The following WDFY3 variants were observed in gnomAD, a reference collection of about 807,000 sequenced individuals.
WDFY3 encodes the protein WD repeat and FYVE domain-containing protein 3.
WDFY3 carries 66 observed loss-of-function variants against 409.6 expected under a neutral mutation model. The ratio of observed to expected loss-of-function variants is 0.16; its 90% CI spans 0.13 to 0.20. WDFY3 has a LOEUF of 0.20. Ranked by LOEUF, WDFY3 falls within the 10% of genes least tolerant of loss-of-function variation. The pLI is 1.00. For synonymous variants in WDFY3, 1,521 were observed against 1,537.1 expected (o/e 0.99, Z 0.25); for missense variants, 3,031 against 4,298.1 (o/e 0.71, Z 8.24).
chr4:84,932,232 G>A lies in WDFY3; in HGVS notation c.-132+38C>T, dbSNP rs1469384223. The A allele has an allele frequency of 2.0e-5, 3 of 152,012 alleles. No homozygotes were observed. In the East Asian group the frequency reaches 5.8e-4, roughly 29 times the overall value. 9.4% of individuals were successfully genotyped at this position (152,012 alleles called of 1,614,324 possible). ...CAAAGACAATCACAATTCTGTTCCT[G>A]GCTCCTTTTTCAACAAAAAAAAAAT... On this transcript the variant is annotated intron_variant, in intron 2 of 67. Transcript: ENST00000295888.
chr4:84,773,124 T>C (rs540662442), intron 29 of WDFY3, among the ~76,000 whole-genome samples, 195 bp from the exon 30 acceptor site: 2 of 152,194 alleles, frequency 1.3e-5, no homozygotes, highest in East Asian at 3.9e-4. Flanking sequence ...AGTTTCCTTG[T>C]TGCCCACTCA....
intron 2 of WDFY3, among the ~76,000 whole-genome samples, chr4:84,902,600 C>T (rs1423888733): frequency 6.6e-6 from 1 of 152,120 alleles, no homozygotes; most frequent in Non-Finnish European, 1.5e-5. Context: ...TTTAGAAGGG[C>T]AAAATAGAAT....
chr4:84,828,338 G>T (rs1247020983), intron 9 of WDFY3, among the ~76,000 whole-genome samples: 2 of 152,026 alleles, frequency 1.3e-5, no homozygotes, highest in African/African-American at 4.8e-5. Flanking sequence ...ATACACAGTT[G>T]TAAGGTTTTA....
chr4:84,934,715 A>G (rs1034067673), intron 1 of WDFY3, among the ~76,000 whole-genome samples: 12 of 152,166 alleles, frequency 7.9e-5, no homozygotes, highest in Admixed American at 2.0e-4. Flanking sequence ...AAATAATAGA[A>G]TGAACATCCA....
chr4:84,702,556 C>A, intron 55 of WDFY3, 50 bp from the exon 56 acceptor site: 2 of 1,458,744 alleles, frequency 1.4e-6, no homozygotes. Flanking sequence ...TCCCACCTGA[C>A]AGCTTCTGTC....
rs539110645 is a variant in WDFY3, at chr4:84,894,644, G to A, written c.-32+2267C>T. ...TCTACTAAAAATACAAAAATTAGCC[G>A]GGCATGGGGCACACGCCTGTATTCC... On this transcript the variant is annotated intron_variant, in intron 3 of 67. Coordinates refer to ENST00000295888, the MANE Select transcript of WDFY3 (RefSeq NM_014991.6). Among the ~76,000 whole-genome samples, 184 of 152,164 alleles carry A rather than the reference G, an allele frequency of 1.2e-3. 1 individual carries two copies. The highest frequency in any genetic ancestry group is 6.8e-3 in the Middle Eastern group (2 of 294).
intron 1 of WDFY3, among the ~76,000 whole-genome samples, chr4:84,932,760 C>T (rs1459785748): frequency 1.3e-5 from 2 of 152,134 alleles, no homozygotes; most frequent in Non-Finnish European, 2.9e-5. Flanking sequence ...AAAATTCATG[C>T]TATTTCTCTA....
intron 30 of WDFY3, among the ~76,000 whole-genome samples, chr4:84,772,272 T>C (rs768724956): frequency 5.9e-5 from 9 of 152,038 alleles, no homozygotes; most frequent in Non-Finnish European, 1.2e-4. Flanking sequence ...AAGAAAAACA[T>C]ATGGGAACAG....
intron 36 of WDFY3, among the ~76,000 whole-genome samples, chr4:84,749,476 T>C (rs552062962): frequency 3.5e-4 from 53 of 152,334 alleles, no homozygotes; most frequent in African/African-American, 1.3e-3. Flanking sequence ...TAAGCCTTAC[T>C]TAATGTCATT....
intron 7 of WDFY3, among the ~76,000 whole-genome samples, chr4:84,836,368 AT>A (rs1348387495): frequency 6.6e-6 from 1 of 152,168 alleles, no homozygotes; most frequent in African/African-American, 2.4e-5. Context: ...AAGAAAGGAT[AT>A]CATACATGAT....
intron 10 of WDFY3, among the ~76,000 whole-genome samples, chr4:84,823,901 C>A (rs902008703): frequency 6.6e-6 from 1 of 152,164 alleles, no homozygotes; most frequent in South Asian, 2.1e-4. Context: ...ACCATATGAT[C>A]TAGCACTTTA....
At chr4:84,918,249 T>G (rs1029529066) in intron 2 of WDFY3, among the ~76,000 whole-genome samples, 1 of 152,146 alleles carries the variant, frequency 6.6e-6, no homozygotes, top group African/African-American at 2.4e-5. Context: ...AGACACAAGG[T>G]TATTAATTGC....
intron 29 of WDFY3, among the ~76,000 whole-genome samples, chr4:84,774,475 GCT>G (rs1347093213): frequency 6.6e-6 from 1 of 152,224 alleles, no homozygotes; most frequent in Non-Finnish European, 1.5e-5. Flanking sequence ...GTGTATGCGT[GCT>G]TGTGCACATA....
intron 2 of WDFY3, among the ~76,000 whole-genome samples, chr4:84,918,850 C>CATAT (rs529751700): frequency 1.3e-5 from 2 of 149,580 alleles, no homozygotes; most frequent in African/African-American, 4.9e-5. Flanking sequence ...CACACACACA[C>CATAT]ATATATATAT....
intron 32 of WDFY3, among the ~76,000 whole-genome samples, chr4:84,760,765 TTCATTAA>T (rs1220909163): frequency 1.2e-4 from 17 of 146,470 alleles, no homozygotes; most frequent in African/African-American, 4.3e-4. Context: ...AGCTCCTGGA[TTCATTAA>T]TTTTTTGAAG....
intron 1 of WDFY3, among the ~76,000 whole-genome samples, chr4:84,953,428 G>A (rs746486009): frequency 6.6e-5 from 10 of 152,078 alleles, no homozygotes; most frequent in Non-Finnish European, 1.0e-4. Context: ...AGCTGCTTTT[G>A]ACACAGGGGA....
chr4:84,921,528 A>ATCAATATCTGACATTT (rs1769271464), intron 2 of WDFY3, among the ~76,000 whole-genome samples: 2 of 151,752 alleles, frequency 1.3e-5, no homozygotes. Context: ...AAGTATTTTT[A>ATCAATATCTGACATTT]TATGTCTTTA....
At chr4:84,926,775 A>G (rs570474799) in intron 2 of WDFY3, among the ~76,000 whole-genome samples, 1 of 152,358 alleles carries the variant, frequency 6.6e-6, no homozygotes, top group South Asian at 2.1e-4. Flanking sequence ...TCCTAAGAGC[A>G]TAAGCTTAAA....
chr4:84,921,540 C>T (rs1426648655), intron 2 of WDFY3, among the ~76,000 whole-genome samples: 1 of 149,592 alleles, frequency 6.7e-6, no homozygotes, highest in African/African-American at 2.5e-5. Flanking sequence ...ATGTCTTTAT[C>T]AATATCTGAC....
Sources: gnomAD v4.1 joint callset for allele counts (sites outside exome capture counted in the v4.1 genomes callset) on GRCh38, gnomAD v4.1.1 for gene constraint, MANE v1.5 for transcripts, NCBI Gene and HGNC (gene_info 2026-07-23, HGNC 2026-07-21) for gene names.